The following PHF14 variants were observed in gnomAD, a reference collection of about 807,000 sequenced individuals.
PHF14 encodes the protein PHD finger protein 14.
In PHF14, 55 loss-of-function variants were observed where a neutral mutation model predicts 117.9. The observed-to-expected ratio is 0.47, with a 90% confidence interval of 0.38 to 0.58. PHF14 has a LOEUF of 0.58. Ranked by LOEUF, PHF14 falls within the 20% of genes least tolerant of loss-of-function variation. The pLI is 0.00. For missense variants in PHF14, 978 were observed against 1,122.2 expected (o/e 0.87, Z 1.84); for synonymous variants, 409 against 368.6 (o/e 1.11, Z -1.26).
chr7:11,105,631 A>C, intron 16 of PHF14: 2 of 984,720 alleles, frequency 2.0e-6, no homozygotes, highest in African/African-American at 3.5e-5. Flanking sequence ...TGTCTGAATC[A>C]GCACTTTGTA....
intron 4 of PHF14, among the ~76,000 whole-genome samples, chr7:11,011,596 C>A (rs1038168427): frequency 2.6e-5 from 4 of 152,116 alleles, no homozygotes; most frequent in African/African-American, 9.7e-5. Context: ...TTAGAAATGA[C>A]CTATTTTGAG....
intron 7 of PHF14, among the ~76,000 whole-genome samples, chr7:11,029,650 TCA>T (rs1011948195): frequency 3.3e-5 from 5 of 152,172 alleles, no homozygotes; most frequent in African/African-American, 1.2e-4. Flanking sequence ...CAAAAAATTT[TCA>T]GTTTTAATTT....
At chr7:10,982,306 C>T (rs1164569388) in intron 2 of PHF14, 66 bp from the exon 3 acceptor site, 42 of 1,014,462 alleles carry the variant, frequency 4.1e-5, no homozygotes, top group Non-Finnish European at 5.0e-5. Flanking sequence ...TTTGTGTCAG[C>T]GTTGTGTGTG....
chr7:11,010,308 A>C (rs1052885778), intron 4 of PHF14, among the ~76,000 whole-genome samples: 3 of 152,114 alleles, frequency 2.0e-5, no homozygotes, highest in Non-Finnish European at 4.4e-5. Context: ...TAATTTTATG[A>C]TAGTGCATTT....
intron 17 of PHF14, among the ~76,000 whole-genome samples, chr7:11,136,292 A>G (rs1788218798): frequency 1.3e-5 from 2 of 152,132 alleles, no homozygotes. Context: ...ATTTTTTTTC[A>G]AGATGCAAAC....
intron 17 of PHF14, among the ~76,000 whole-genome samples, chr7:11,166,760 T>TGGC (rs1789212598): frequency 6.6e-6 from 1 of 152,156 alleles, no homozygotes; most frequent in Non-Finnish European, 1.5e-5. Flanking sequence ...AGAAAGAGAT[T>TGGC]GGCTCTTATT....
intron 6 of PHF14, among the ~76,000 whole-genome samples, chr7:11,023,867 A>C (rs957825140): frequency 6.6e-6 from 1 of 152,176 alleles, no homozygotes; most frequent in African/African-American, 2.4e-5. Context: ...TAATAATTCT[A>C]CAGTGGCCTC....
intron 16 of PHF14, chr7:11,063,822 T>C (rs1438177172): frequency 3.4e-6 from 1 of 291,394 alleles, no homozygotes; most frequent in African/African-American, 2.3e-5. Context: ...TGAATAGTAT[T>C]ACTCTATGTT....
intron 4 of PHF14, among the ~76,000 whole-genome samples, chr7:10,992,246 G>T (rs1043619641): frequency 5.3e-5 from 8 of 150,812 alleles, no homozygotes; most frequent in African/African-American, 1.9e-4. Context: ...TAGAGATGGG[G>T]TTTCACCATG....
intron 14 of PHF14, among the ~76,000 whole-genome samples, chr7:11,052,339 A>G (rs1478903193): frequency 6.6e-6 from 1 of 152,200 alleles, no homozygotes; most frequent in African/African-American, 2.4e-5. Flanking sequence ...TCACTAATGT[A>G]TAGTTTTCTA....
intron 8 of PHF14, 46 bp downstream of exon 8, chr7:11,035,832 T>G: frequency 6.7e-7 from 1 of 1,490,036 alleles, no homozygotes; most frequent in Non-Finnish European, 9.1e-7. Context: ...TTTAAGGTTA[T>G]GTAAGGATTT....
At chr7:11,152,367 A>C (rs1227937011) in intron 17 of PHF14, among the ~76,000 whole-genome samples, 1 of 152,148 alleles carries the variant, frequency 6.6e-6, no homozygotes, top group Non-Finnish European at 1.5e-5. Context: ...ACCAATCTTC[A>C]ATTTCCTCAT....
chr7:11,152,900 CAGAG>C (rs1451667074), intron 17 of PHF14, among the ~76,000 whole-genome samples: 3 of 152,152 alleles, frequency 2.0e-5, no homozygotes, highest in Non-Finnish European at 4.4e-5. Flanking sequence ...GTTCAGGAAT[CAGAG>C]GGAAGAGCAG....
At chr7:11,026,123 AAAAAG>A (rs1205266761) in intron 6 of PHF14, among the ~76,000 whole-genome samples, 7 of 151,672 alleles carry the variant, frequency 4.6e-5, no homozygotes, top group Non-Finnish European at 8.8e-5. Context: ...AAAAAAAAAA[AAAAAG>A]AGAGAGAAAT....
intron 3 of PHF14, among the ~76,000 whole-genome samples, chr7:10,989,805 A>C (rs1249465911): frequency 6.6e-6 from 1 of 152,068 alleles, no homozygotes; most frequent in Non-Finnish European, 1.5e-5. Context: ...TAATTTTAAA[A>C]TATTTTGTAG....
chr7:10,985,638 GTTTTTTTT>G (rs61250143), intron 3 of PHF14, among the ~76,000 whole-genome samples: 7 of 45,936 alleles, frequency 1.5e-4, no homozygotes, highest in African/African-American at 3.8e-4. Context: ...TTCTCAAACT[GTTTTTTTT>G]TTTTTTTTTT....
chr7:11,042,456 A>G (rs1784531915), intron 12 of PHF14, among the ~76,000 whole-genome samples: 1 of 151,990 alleles, frequency 6.6e-6, no homozygotes, highest in South Asian at 2.1e-4. Flanking sequence ...AGTAGTATTT[A>G]AATTTTTACC....
chr7:11,058,927 T>G (rs895011432), intron 14 of PHF14, among the ~76,000 whole-genome samples: 5 of 151,444 alleles, frequency 3.3e-5, no homozygotes, highest in African/African-American at 1.2e-4. Context: ...TATTTTATAT[T>G]TTTATAATAA....
chr7:11,001,404 T>C (rs980592626), intron 4 of PHF14, among the ~76,000 whole-genome samples: 4 of 152,200 alleles, frequency 2.6e-5, no homozygotes, highest in Non-Finnish European at 2.9e-5. Context: ...ATGTAAACTT[T>C]AGAGTCAGTT....
Sources: gnomAD v4.1 joint callset for allele counts (sites outside exome capture counted in the v4.1 genomes callset) on GRCh38, gnomAD v4.1.1 for gene constraint, MANE v1.5 for transcripts, NCBI Gene and HGNC (gene_info 2026-07-23, HGNC 2026-07-21) for gene names.